The following EFCAB8 variants were observed in gnomAD, a reference collection of about 807,000 sequenced individuals.
EFCAB8 encodes the protein EF-hand calcium binding domain 8, also known as EF-hand calcium-binding domain-containing protein 8.
A neutral mutation model predicts 116.3 loss-of-function variants in EFCAB8; 100 were observed. That is an observed-to-expected ratio of 0.86 (90% confidence interval 0.73 to 1.02). The LOEUF (loss-of-function observed/expected upper bound fraction) is 1.02, where lower values mean the gene tolerates loss of function less well. Among genes scored for constraint, EFCAB8 ranks in the 50% least tolerant of loss-of-function variants. The pLI, the probability that EFCAB8 is intolerant of heterozygous loss-of-function variation, is 0.00. For synonymous variants in EFCAB8, 558 were observed against 567.9 expected, an observed-to-expected ratio of 0.98 and a Z score of 0.25; for missense variants, 1,320 against 1,416.9, an observed-to-expected ratio of 0.93 and a Z score of 1.10.
chr20:32,908,529 G>A (rs772143739), intron 14 of EFCAB8, 117 bp downstream of exon 14: 62 of 1,117,610 alleles, frequency 5.5e-5, no homozygotes, highest in South Asian at 9.4e-5. Context: ...CTGCTGAAGC[G>A]GCTAGACTCT....
intron 15 of EFCAB8, among the ~76,000 whole-genome samples, chr20:32,910,379 C>G (rs1228206254): frequency 6.6e-6 from 1 of 152,158 alleles, no homozygotes; most frequent in East Asian, 1.9e-4. Flanking sequence ...GCACCTTGGT[C>G]CTGCGTGGAG....
rs1348038510 is a variant in EFCAB8 at position 32,885,535 on chromosome 20, GT to G, written c.467del (p.Leu156Ter). ...ATGGCTGTGAGGTGGTGAAGGTGGT[GT>G]TTTTAATCCACCGGTTCAAGAAGAT... ...NHGCEVVKVV[F>X]LIHRFKKIGC... On this transcript the variant is annotated frameshift_variant, in exon 6 of 27. Coordinates refer to ENST00000400522, the MANE Select transcript of EFCAB8 (RefSeq NM_001143967.2). LOFTEE classifies it high-confidence loss of function. 6.4e-7 allele frequency: 1 copy of G among 1,551,636 alleles called. No homozygotes were observed. The highest frequency in any genetic ancestry group is 1.4e-5 in the African/African-American group (1 of 73,050).
intron 7 of EFCAB8, among the ~76,000 whole-genome samples, chr20:32,891,048 G>A (rs1327241866): frequency 2.6e-5 from 4 of 152,238 alleles, no homozygotes; most frequent in Non-Finnish European, 5.9e-5. Flanking sequence ...GGGACCCAGT[G>A]CTGTCCCAGG....
At position 32,878,686 on chromosome 20, in the gene EFCAB8, T is replaced by C; in HGVS notation, c.328-18T>C. Reference sequence around the variant, plus strand: ...TTTTGCCAATACCCTGCCTCCCTTGTGCTTTCTTTCGAGGCAGCAAAAGTA... The same window carrying C: ...TTTTGCCAATACCCTGCCTCCCTTGCGCTTTCTTTCGAGGCAGCAAAAGTA... On this transcript the variant is annotated intron_variant, in intron 4 of 26. Coordinates refer to ENST00000400522, the MANE Select transcript of EFCAB8 (RefSeq NM_001143967.2). 6.5e-7 allele frequency: 1 copy of C among 1,548,534 alleles called. No individual in the cohort carries two copies. Among genetic ancestry groups the C allele is most frequent in the Non-Finnish European group, 8.7e-7 (1 of 1,144,064 alleles).
At position 32,889,456 on chromosome 20, in the gene EFCAB8, G is replaced by A. The variant is rs555298720; in HGVS notation, c.673+50G>A. On this transcript the variant is annotated intron_variant, in intron 7 of 26. Transcript: ENST00000400522. ...TCTGCTCTCAGCCACTGGGAGCCAT[G>A]CATTTGTGCCTGGGAGAAGTCTGTT... 4 of 1,510,142 alleles carry A rather than the reference G, an allele frequency of 2.6e-6. No individual in the cohort carries two copies. In the South Asian group the frequency reaches 4.8e-5, roughly 18 times the overall value. The allele number at this position is 1,510,142 out of a possible 1,614,324, so 93.5% of individuals were successfully genotyped here. A position where few individuals can be genotyped will look rare whatever the true frequency, so the allele number is the denominator to read the frequency against.
chr20:32,911,312 C>T lies in EFCAB8; in HGVS notation c.1558-168C>T, dbSNP rs574257771. ...TTCCAGTTTGCACTGCCCTGTGATA[C>T]AGGGCAGAGGAGGTCCTGTTTTCAA... On this transcript the variant is annotated intron_variant, in intron 15 of 26. Transcript: ENST00000400522. Among the ~76,000 whole-genome samples, 9 of 152,296 alleles carry T rather than the reference C, an allele frequency of 5.9e-5. No individual in the cohort carries two copies. The South Asian group carries it at 1.5e-3, about 25-fold the overall frequency.
At chr20:32,888,044 C>T (rs1312252814) in intron 6 of EFCAB8, among the ~76,000 whole-genome samples, 1 of 151,810 alleles carries the variant, frequency 6.6e-6, no homozygotes, top group African/African-American at 2.4e-5. Context: ...CCATGGCTAT[C>T]CTCTCTACAT....
At chr20:32,942,534 C>T (rs1988439135) in intron 22 of EFCAB8, among the ~76,000 whole-genome samples, 1 of 151,186 alleles carries the variant, frequency 6.6e-6, no homozygotes, top group African/African-American at 2.4e-5. Flanking sequence ...AAAAAAAAAC[C>T]AATAAAAATA....
chr20:32,950,898 A>ATT, intron 23 of EFCAB8, among the ~76,000 whole-genome samples: 1 of 152,242 alleles, frequency 6.6e-6, no homozygotes, highest in Admixed American at 6.5e-5. Context: ...CTAGAAAGGG[A>ATT]GCTGGAACTT....
chr20:32,908,249 C>T lies in EFCAB8; in HGVS notation c.1309-26C>T, dbSNP rs375438878. 3.4e-4 allele frequency: 423 copies of T among 1,249,582 alleles called. 6 individuals carry two copies. In the South Asian group the frequency reaches 0.012, roughly 35 times the overall value. 77.4% of individuals were successfully genotyped at this position (1,249,582 alleles called of 1,614,324 possible). A position where few individuals can be genotyped will look rare whatever the true frequency, so the allele number is the denominator to read the frequency against. ...CTACATCCCCGAGACCCATGCTCAG[C>T]GTCTTGCCTTTTTCCCATCCCCCAG... is the stretch of plus-strand genomic sequence containing the variant. On this transcript the variant is annotated intron_variant, in intron 13 of 26. Transcript: ENST00000400522.
At chr20:32,890,807 C>T (rs901005547) in intron 7 of EFCAB8, among the ~76,000 whole-genome samples, 3 of 152,244 alleles carry the variant, frequency 2.0e-5, no homozygotes, top group African/African-American at 7.2e-5. Context: ...CCTCGCTTTA[C>T]CCAGAGGTAA....
rs556610432 is a variant in EFCAB8 at position 32,869,324 on chromosome 20, G to A, written c.208+1577G>A. On this transcript the variant is annotated intron_variant, in intron 3 of 26. Transcript: ENST00000400522. ...ACGATCTTGGCTCACTGCAACCTCC[G>A]CCTCTGGTTCAAGCGATTCTCCTGT... Among the ~76,000 whole-genome samples the A allele has an allele frequency of 3.3e-5, 5 of 151,580 alleles. No individual in the cohort carries two copies. The South Asian group carries it at 6.3e-4, about 19-fold the overall frequency.
chr20:32,873,612 C>T (rs544334237), intron 3 of EFCAB8, among the ~76,000 whole-genome samples: 1 of 151,628 alleles, frequency 6.6e-6, no homozygotes, highest in South Asian at 2.1e-4. Flanking sequence ...CCTGTAATCC[C>T]AGCACTTTGG....
rs977636719 is a variant in EFCAB8 at position 32,893,164 on chromosome 20, C to G, written c.759-10C>G. The G allele has an allele frequency of 1.3e-6, 2 of 1,551,668 alleles. No homozygotes were observed. The highest frequency in any genetic ancestry group is 1.7e-6 in the Non-Finnish European group (2 of 1,146,960). Reference sequence around the variant, plus strand: ...CCCACACAACCTCTTCCGTCTCCATCTTTCTGCAGGTCTGACTATCACAGA... The same window carrying G: ...CCCACACAACCTCTTCCGTCTCCATGTTTCTGCAGGTCTGACTATCACAGA... On this transcript the variant is annotated splice_polypyrimidine_tract_variant and intron_variant, in intron 8 of 26. Transcript: ENST00000400522.
At chr20:32,899,361 C>T (rs1306243102) in intron 11 of EFCAB8, among the ~76,000 whole-genome samples, 2 of 147,608 alleles carry the variant, frequency 1.4e-5, no homozygotes, top group East Asian at 2.0e-4. Flanking sequence ...GCCGAGATTG[C>T]GCCACTGCAC....
intron 23 of EFCAB8, 50 bp from the exon 24 acceptor site, chr20:32,958,371 G>C: frequency 2.4e-6 from 1 of 416,274 alleles, no homozygotes; most frequent in Non-Finnish European, 4.4e-6. Flanking sequence ...AGAGGGCATG[G>C]AGGAGGGGGT....
intron 22 of EFCAB8, among the ~76,000 whole-genome samples, chr20:32,934,013 C>CT (rs112853872): frequency 0.57 from 79,992 of 140,462 alleles, 23,108 homozygotes; most frequent in Middle Eastern, 0.65. Context: ...AAATCAAAAA[C>CT]TTTTTTTTTT....
At chr20:32,898,288 T>G (rs1352311562) in intron 10 of EFCAB8, 3 of 495,652 alleles carry the variant, frequency 6.1e-6, no homozygotes, top group African/African-American at 5.7e-5. Context: ...TTTTAAAAAT[T>G]TTCAGTGACG....
chr20:32,960,069 A>C lies in EFCAB8; in HGVS notation c.3301A>C (p.Lys1101Gln). Residue 1101 changes from lysine to glutamine, a missense_variant, in exon 26 of 27, where the codon AAA (lysine) becomes CAA (glutamine). Physicochemically the swap from Lys to Gln is moderately conservative, Grantham distance 53 (BLOSUM62 1). Coordinates refer to ENST00000400522, the MANE Select transcript of EFCAB8 (RefSeq NM_001143967.2). ...TTGGGCGTGGCTCCTGCAGGTGAGCAAAGTCTTGGGAGCGGCGTATAAGCC... is the reference window on the plus strand; with the variant it reads ...TTGGGCGTGGCTCCTGCAGGTGAGCCAAGTCTTGGGAGCGGCGTATAAGCC... ...KWESRDKQVS[K>Q]VLGAAYKPKE... is the part of the protein sequence containing the mutation. 1 of 1,551,680 alleles carries C rather than the reference A, an allele frequency of 6.4e-7. No individual in the cohort carries two copies.
Sources: allele counts gnomAD v4.1 joint callset (sites outside exome capture counted in the v4.1 genomes callset), GRCh38; gene constraint gnomAD v4.1.1; transcripts MANE v1.5; gene names NCBI Gene and HGNC (gene_info 2026-07-23, HGNC 2026-07-21).